Variants in GABRG3 observed in about 807,000 individuals in gnomAD.
The protein encoded by GABRG3 is gamma-aminobutyric acid receptor subunit gamma-3.
A neutral mutation model predicts 48.8 loss-of-function variants in GABRG3; 25 were observed. The observed-to-expected ratio is 0.51, with a 90% CI of 0.37 to 0.72. GABRG3 has a LOEUF of 0.72. Among genes scored for constraint, GABRG3 ranks in the 30% least tolerant of loss-of-function variants. The probability of loss-of-function intolerance (pLI) is 0.00; values close to 1 mark genes in which losing one functional copy is unlikely to be tolerated. For synonymous variants in GABRG3, 227 were observed against 217.6 expected, an observed-to-expected ratio of 1.04 and a Z score of -0.38; for missense variants, 394 against 577.9, an observed-to-expected ratio of 0.68 and a Z score of 3.26.
At position 27,153,107 on chromosome 15, in the gene GABRG3, C is replaced by T. The variant is rs112969649; in HGVS notation, c.270+126286C>T. ...CGATCTCCTGACCTTGTGATCCGCCCGCCTCGGCCTCCCAAAGTGCTGGGA... is the reference window on the plus strand; with the variant it reads ...CGATCTCCTGACCTTGTGATCCGCCTGCCTCGGCCTCCCAAAGTGCTGGGA... On this transcript the variant is annotated intron_variant, in intron 3 of 9. Coordinates refer to ENST00000615808, the MANE Select transcript of GABRG3 (RefSeq NM_033223.5). Among the ~76,000 whole-genome samples, 926 of 152,236 alleles carry T rather than the reference C, an allele frequency of 6.1e-3. 11 individuals carry two copies. The highest frequency in any genetic ancestry group is 0.021 in the African/African-American group (866 of 41,544).
chr15:27,054,692 C>A (rs1256654801), intron 3 of GABRG3, among the ~76,000 whole-genome samples: 1 of 152,140 alleles, frequency 6.6e-6, no homozygotes, highest in East Asian at 1.9e-4. Context: ...AGTCTTGATG[C>A]CAGGGACGGT....
intron 3 of GABRG3, among the ~76,000 whole-genome samples, chr15:27,055,758 T>C (rs1896534548): frequency 6.6e-6 from 1 of 152,118 alleles, no homozygotes; most frequent in South Asian, 2.1e-4. Context: ...TCCCATGCAT[T>C]TCAGATAAGG....
At chr15:27,076,545 C>T (rs1351570893) in intron 3 of GABRG3, among the ~76,000 whole-genome samples, 2 of 152,022 alleles carry the variant, frequency 1.3e-5, no homozygotes, top group African/African-American at 2.4e-5. Flanking sequence ...AGGATGTTCT[C>T]GATCTCCTGA....
chr15:27,216,295 A>G (rs1889243748), intron 3 of GABRG3, among the ~76,000 whole-genome samples: 1 of 152,236 alleles, frequency 6.6e-6, no homozygotes, highest in Admixed American at 6.5e-5. Context: ...AAGTATATCT[A>G]GCTTTTAAAA....
chr15:27,378,542 G>T (rs1416046582), intron 5 of GABRG3, among the ~76,000 whole-genome samples: 1 of 152,174 alleles, frequency 6.6e-6, no homozygotes, highest in East Asian at 1.9e-4. Context: ...ATAACTGTAT[G>T]ATCCAGGTAT....
intron 3 of GABRG3, among the ~76,000 whole-genome samples, chr15:27,035,287 TG>T (rs1595485004): frequency 2.0e-5 from 3 of 152,218 alleles, no homozygotes; most frequent in East Asian, 1.9e-4. Context: ...TAGGATGGGG[TG>T]TTGTCTATTG....
chr15:27,116,902 A>G (rs1897650850), intron 3 of GABRG3, among the ~76,000 whole-genome samples: 1 of 152,196 alleles, frequency 6.6e-6, no homozygotes, highest in Non-Finnish European at 1.5e-5. Flanking sequence ...CACTGAATCC[A>G]CCAGCACCTT....
chr15:27,186,359 GC>G (rs1330782352), intron 3 of GABRG3, among the ~76,000 whole-genome samples: 2 of 152,134 alleles, frequency 1.3e-5, no homozygotes, highest in Non-Finnish European at 2.9e-5. Context: ...TTTTATGGTT[GC>G]ATAGTATTAT....
intron 5 of GABRG3, among the ~76,000 whole-genome samples, chr15:27,350,679 G>A (rs895062923): frequency 3.3e-5 from 5 of 152,134 alleles, no homozygotes; most frequent in African/African-American, 1.2e-4. Flanking sequence ...TGCATGATGG[G>A]CCCAGGAGAG....
At chr15:27,348,231 G>C (rs1894444662) in intron 5 of GABRG3, among the ~76,000 whole-genome samples, 2 of 151,626 alleles carry the variant, frequency 1.3e-5, no homozygotes, top group Non-Finnish European at 2.9e-5. Context: ...GACTGAAATT[G>C]GTGTCATATA....
intron 5 of GABRG3, among the ~76,000 whole-genome samples, chr15:27,416,768 C>T (rs1033061821): frequency 5.3e-5 from 8 of 152,162 alleles, no homozygotes; most frequent in African/African-American, 1.9e-4. Flanking sequence ...TTCCTATGTG[C>T]CGATCAGCCT....
intron 5 of GABRG3, among the ~76,000 whole-genome samples, chr15:27,400,663 A>T (rs954803608): frequency 1.3e-5 from 2 of 152,178 alleles, no homozygotes; most frequent in Non-Finnish European, 2.9e-5. Flanking sequence ...CTAGATGAGG[A>T]TGTGCAGATT....
At chr15:27,246,101 C>A (rs1045565705) in intron 3 of GABRG3, among the ~76,000 whole-genome samples, 16 of 152,064 alleles carry the variant, frequency 1.1e-4, no homozygotes, top group African/African-American at 3.9e-4. Flanking sequence ...ATCTGCCCCA[C>A]GACCCAAACA....
chr15:27,098,266 T>C (rs1394992824), intron 3 of GABRG3, among the ~76,000 whole-genome samples: 1 of 152,040 alleles, frequency 6.6e-6, no homozygotes, highest in Non-Finnish European at 1.5e-5. Context: ...AAACACCATC[T>C]CTACTAAAAA....
rs376568798 is a variant in GABRG3, at chr15:27,532,955, C to T, written c.*74C>T. Reference sequence around the variant, plus strand: ...TCTGTCGTCCCCAGACCAGTAGTGACCAATCGGGAGTAGCAAGGAAGGACA... The same window carrying T: ...TCTGTCGTCCCCAGACCAGTAGTGATCAATCGGGAGTAGCAAGGAAGGACA... On this transcript the variant is annotated 3_prime_UTR_variant, in exon 10 of 10. Coordinates refer to ENST00000615808, the MANE Select transcript of GABRG3 (RefSeq NM_033223.5). 1.8e-3 allele frequency: 2,626 copies of T among 1,437,112 alleles called. 59 individuals are homozygous for T. In the South Asian group the frequency reaches 0.033, roughly 18 times the overall value. 89.0% of individuals were successfully genotyped at this position (1,437,112 alleles called of 1,614,324 possible).
At chr15:27,531,342 C>T (rs971464449) in intron 9 of GABRG3, among the ~76,000 whole-genome samples, 1 of 152,230 alleles carries the variant, frequency 6.6e-6, no homozygotes, top group Non-Finnish European at 1.5e-5. Flanking sequence ...CGATTTATGA[C>T]CCCATGACTA....
intron 3 of GABRG3, among the ~76,000 whole-genome samples, chr15:27,130,153 C>T (rs1897891393): frequency 6.6e-6 from 1 of 151,878 alleles, no homozygotes; most frequent in Non-Finnish European, 1.5e-5. Context: ...AAGCTTTTCC[C>T]CTTGGTTTTC....
chr15:27,462,211 C>T (rs1466261871), intron 5 of GABRG3, among the ~76,000 whole-genome samples: 2 of 152,142 alleles, frequency 1.3e-5, no homozygotes, highest in Non-Finnish European at 2.9e-5. Context: ...CCACCACTCT[C>T]ATCCCCTGCC....
intron 5 of GABRG3, among the ~76,000 whole-genome samples, chr15:27,398,664 G>A (rs868755391): frequency 2.1e-5 from 3 of 145,262 alleles, no homozygotes; most frequent in African/African-American, 5.2e-5. Flanking sequence ...TGACAAGCGC[G>A]CGCACACACA....
Sources: allele counts gnomAD v4.1 joint callset (sites outside exome capture counted in the v4.1 genomes callset), GRCh38; gene constraint gnomAD v4.1.1; transcripts MANE v1.5; gene names NCBI Gene and HGNC (gene_info 2026-07-23, HGNC 2026-07-21).